Variants in GNS observed in about 807,000 individuals in gnomAD.
The protein encoded by GNS is N-acetylglucosamine-6-sulfatase.
In GNS, 40 loss-of-function variants were observed where a neutral mutation model predicts 69.7. That is an observed-to-expected ratio of 0.57 (90% CI 0.45 to 0.75). The LOEUF (loss-of-function observed/expected upper bound fraction) is 0.75. Ranked by LOEUF, GNS falls within the 30% of genes least tolerant of loss-of-function variation. GNS has a pLI of 0.00. For synonymous variants in GNS, 243 were observed against 251.6 expected, an observed-to-expected ratio of 0.97 and a Z score of 0.32; for missense variants, 565 against 685.5, an observed-to-expected ratio of 0.82 and a Z score of 1.96.
chr12:64,731,250 T>A (rs1869381202), intron 9 of GNS, among the ~76,000 whole-genome samples: 1 of 152,206 alleles, frequency 6.6e-6, no homozygotes, highest in African/African-American at 2.4e-5. Flanking sequence ...CTAAATTTTG[T>A]ATTTTTTTAT....
intron 2 of GNS, among the ~76,000 whole-genome samples, chr12:64,750,887 T>A (rs891612561): frequency 1.3e-5 from 2 of 151,978 alleles, no homozygotes; most frequent in Non-Finnish European, 2.9e-5. Flanking sequence ...ACATGGGCGG[T>A]AGAGTGAGAC....
intron 13 of GNS, among the ~76,000 whole-genome samples, chr12:64,717,636 T>G (rs1398125623): frequency 6.6e-6 from 1 of 151,982 alleles, no homozygotes; most frequent in Admixed American, 6.6e-5. Context: ...GTGCTGGGAT[T>G]ACAAATGTGA....
intron 1 of GNS, among the ~76,000 whole-genome samples, chr12:64,754,933 C>A (rs1379185868): frequency 1.3e-5 from 2 of 151,604 alleles, no homozygotes; most frequent in Non-Finnish European, 2.9e-5. Flanking sequence ...CATCTTTATA[C>A]TGCTAACTAT....
chr12:64,715,552 A>G lies in GNS; in HGVS notation c.*1189T>C, dbSNP rs554534769. 1.6e-4 allele frequency: 24 copies of G among 154,478 alleles called. No homozygotes were observed. The highest frequency in any genetic ancestry group is 5.3e-4 in the African/African-American group (22 of 41,638). 9.6% of individuals were successfully genotyped at this position (154,478 alleles called of 1,614,324 possible). A position where few individuals can be genotyped will look rare whatever the true frequency, so the allele number is the denominator to read the frequency against. Reference sequence around the variant, plus strand: ...AAAATAAAAACATTTAGGTGTTCTCAACAGTGAAGAAACCTGAATAGATTT... The same window carrying G: ...AAAATAAAAACATTTAGGTGTTCTCGACAGTGAAGAAACCTGAATAGATTT... On this transcript the variant is annotated 3_prime_UTR_variant, in exon 14 of 14. Transcript: ENST00000258145.
In GNS at chr12:64,732,169, G is replaced by GT. The variant is rs71093000; in HGVS notation, c.1099-3113dup. Among the ~76,000 whole-genome samples, 205 of 96,344 alleles carry GT rather than the reference G, an allele frequency of 2.1e-3. 3 individuals carry two copies. Among genetic ancestry groups the GT allele is most frequent in the Middle Eastern group, 0.016 (3 of 192 alleles). The allele number at this position is 96,344 out of a possible 152,430, so 63.2% of individuals were successfully genotyped here. A position where few individuals can be genotyped will look rare whatever the true frequency, so the allele number is the denominator to read the frequency against. ...ACCTGGCTAATTTTTTTTTTTTGTT[G>GT]TTTTTTTTTTTTTTTTGAGACGGAG... On this transcript the variant is annotated intron_variant, in intron 9 of 13. Coordinates refer to ENST00000258145, the MANE Select transcript of GNS (RefSeq NM_002076.4).
At chr12:64,723,267 G>A (rs1279558105) in intron 10 of GNS, among the ~76,000 whole-genome samples, 154 bp from the exon 11 acceptor site, 1 of 152,200 alleles carries the variant, frequency 6.6e-6, no homozygotes, top group East Asian at 1.9e-4. Flanking sequence ...ACATATGAAA[G>A]CTACTGAGCA....
intron 1 of GNS, among the ~76,000 whole-genome samples, chr12:64,755,616 CAT>C (rs1870226404): frequency 6.7e-6 from 1 of 149,212 alleles, no homozygotes; most frequent in African/African-American, 2.5e-5. Context: ...TACCTTTCAT[CAT>C]AGTTTCTTCT....
chr12:64,739,848 C>T (rs1464832185), intron 7 of GNS, among the ~76,000 whole-genome samples: 1 of 152,282 alleles, frequency 6.6e-6, no homozygotes, highest in East Asian at 1.9e-4. Flanking sequence ...TAGAGACAAT[C>T]GGAAGGAAGA....
Position 64,747,776 on chromosome 12 carries a change from A to C in GNS, c.395T>G (p.Phe132Cys). Reference sequence around the variant, plus strand: ...ACACATTGATCTGAGAATTGCTGGGAAAGTATTTGGTTCTTGGATCTTCTG... The same window carrying C: ...ACACATTGATCTGAGAATTGCTGGGCAAGTATTTGGTTCTTGGATCTTCTG... Reference protein sequence around the residue: ...SWQKIQEPNTFPAILRSMCGY... With the variant: ...SWQKIQEPNTCPAILRSMCGY... Residue 132 changes from phenylalanine to cysteine, a missense_variant, in exon 3 of 14, where the codon TTC becomes TGC. By Grantham distance (205) the Phe-to-Cys change is radical. This residue lies in a region of GNS where 181 missense variants were observed against 174.4 expected (regional missense o/e 1.04). Transcript: ENST00000258145. 6.2e-7 allele frequency: 1 copy of C among 1,613,126 alleles called. No homozygotes were observed. Among genetic ancestry groups the C allele is most frequent in the Non-Finnish European group, 8.5e-7 (1 of 1,179,056 alleles).
At chr12:64,718,750 GC>G (rs1241328060) in intron 13 of GNS, among the ~76,000 whole-genome samples, 1 of 152,222 alleles carries the variant, frequency 6.6e-6, no homozygotes, top group Non-Finnish European at 1.5e-5. Context: ...CCCAGAGTCA[GC>G]CAGGGAGTAC....
intron 6 of GNS, among the ~76,000 whole-genome samples, chr12:64,742,004 T>A (rs548397378): frequency 5.8e-4 from 89 of 152,264 alleles, no homozygotes; most frequent in African/African-American, 2.1e-3. Flanking sequence ...TTATTTTATC[T>A]TATCTTGTCT....
Position 64,723,115 on chromosome 12 carries a change from TAGAA to T in GNS, c.1201-6_1201-3del. On this transcript the variant is annotated splice_polypyrimidine_tract_variant and splice_region_variant and intron_variant, in intron 10 of 13. Coordinates refer to ENST00000258145, the MANE Select transcript of GNS (RefSeq NM_002076.4). ...CCAGGTCAAGTTACTGGCACCTCTCTAGAAAGAAGAGCAAGTGGAATTTCTGTGA... is the reference window on the plus strand; with the variant it reads ...CCAGGTCAAGTTACTGGCACCTCTCTAGAAGAGCAAGTGGAATTTCTGTGA... The T allele has an allele frequency of 6.4e-7, 1 of 1,563,716 alleles. No homozygotes were observed. Among genetic ancestry groups the T allele is most frequent in the Non-Finnish European group, 8.8e-7 (1 of 1,133,988 alleles).
chr12:64,745,881 T>C, intron 3 of GNS, 157 bp from the exon 4 acceptor site: 1 of 645,826 alleles, frequency 1.5e-6, no homozygotes, highest in East Asian at 2.7e-5. Flanking sequence ...ACGCTAATAA[T>C]CCTAGGAACT....
Position 64,737,037 on chromosome 12 carries a change from T to A in GNS, c.1065A>T (p.Arg355=). The A allele has an allele frequency of 6.2e-7, 1 of 1,601,392 alleles. No homozygotes were observed. Among genetic ancestry groups the A allele is most frequent in the Non-Finnish European group, 8.6e-7 (1 of 1,168,422 alleles). ...TCTGATTTGGTTTGATCCCAGGTCC[T>A]CGAACCAACAGTGGAACTTTGATAT... ...EFDIKVPLLV[R]GPGIKPNQTS... is the part of the protein sequence containing the mutation. The change falls in exon 9 of 14, where the codon CGA becomes CGT. Residue 355 remains arginine (R), a synonymous_variant. Coordinates refer to ENST00000258145, the MANE Select transcript of GNS (RefSeq NM_002076.4).
intron 1 of GNS, among the ~76,000 whole-genome samples, chr12:64,754,890 C>CA (rs202239574): frequency 0.24 from 29,165 of 124,028 alleles, 3,644 homozygotes; most frequent in South Asian, 0.34. Context: ...AACTTGTCTC[C>CA]AAAAAAAAAA....
rs1470105340 is a variant in GNS, at chr12:64,721,589, T to A, written c.1419+6A>T. On this transcript the variant is annotated splice_donor_region_variant and intron_variant, in intron 12 of 13. Coordinates refer to ENST00000258145, the MANE Select transcript of GNS (RefSeq NM_002076.4). Reference sequence around the variant, plus strand: ...CGGGGGAAGTGCAGGCAGAAGTCCCTCTTACCTCCTGGTCATCAAACTCGC... The same window carrying A: ...CGGGGGAAGTGCAGGCAGAAGTCCCACTTACCTCCTGGTCATCAAACTCGC... 1 of 1,360,188 alleles carries A rather than the reference T, an allele frequency of 7.4e-7. No individual in the cohort carries two copies. The allele number at this position is 1,360,188 out of a possible 1,614,324, so 84.3% of individuals were successfully genotyped here.
At chr12:64,750,260 C>T (rs1490874678) in intron 2 of GNS, among the ~76,000 whole-genome samples, 5 of 152,074 alleles carry the variant, frequency 3.3e-5, no homozygotes, top group Non-Finnish European at 7.4e-5. Flanking sequence ...GTTGGGTAGG[C>T]TGGTCTCGAA....
Position 64,716,500 on chromosome 12 carries a change from G to A in GNS, c.*241C>T, listed in dbSNP as rs186861385. ...TACAGTGAGAACAAAGACCTCAGGA[G>A]TGTCCTTGTCAGCTAAAGGAAGAGA... On this transcript the variant is annotated 3_prime_UTR_variant, in exon 14 of 14. Transcript: ENST00000258145. The A allele has an allele frequency of 1.1e-3, 643 of 565,424 alleles. 2 individuals carry two copies. The highest frequency in any genetic ancestry group is 0.011 in the African/African-American group (595 of 53,316). The allele number at this position is 565,424 out of a possible 1,614,324, so 35.0% of individuals were successfully genotyped here. A position where few individuals can be genotyped will look rare whatever the true frequency, so the allele number is the denominator to read the frequency against.
At chr12:64,751,239 G>A (rs912179484) in intron 2 of GNS, among the ~76,000 whole-genome samples, 5 of 152,096 alleles carry the variant, frequency 3.3e-5, no homozygotes, top group African/African-American at 9.7e-5. Flanking sequence ...TTTGTCTCCC[G>A]CCTTCTATTT....
Sources: allele counts gnomAD v4.1 joint callset (sites outside exome capture counted in the v4.1 genomes callset), GRCh38; gene constraint gnomAD v4.1.1; regional missense constraint gnomAD v4.1.1; transcripts MANE v1.5; gene names NCBI Gene and HGNC (gene_info 2026-07-23, HGNC 2026-07-21).